TAMM41: variants seen among roughly 807,000 people sequenced by gnomAD.
TAMM41 encodes phosphatidate cytidylyltransferase, mitochondrial.
A neutral mutation model predicts 44.1 loss-of-function variants in TAMM41; 36 were observed. The ratio of observed to expected loss-of-function variants is 0.82; its 90% confidence interval spans 0.63 to 1.08. The LOEUF (loss-of-function observed/expected upper bound fraction) is 1.08. Among genes scored for constraint, TAMM41 ranks in the 50% least tolerant of loss-of-function variants. The probability of loss-of-function intolerance (pLI) is 0.00; values close to 1 mark genes in which losing one functional copy is unlikely to be tolerated. For missense variants in TAMM41, 417 were observed against 404.3 expected (o/e 1.03, Z -0.27); for synonymous variants, 164 against 153.1 (o/e 1.07, Z -0.53).
chr3:11,814,131 T>C (rs1290715707), intron 5 of TAMM41, among the ~76,000 whole-genome samples: 1 of 151,768 alleles, frequency 6.6e-6, no homozygotes, highest in Non-Finnish European at 1.5e-5. Context: ...TGAGCTATGA[T>C]CATGCCACTA....
At chr3:11,725,498 G>A in the TAMM41 span, among the ~76,000 whole-genome samples, 2 of 150,632 alleles carry the variant, frequency 1.3e-5, no homozygotes, top group African/African-American at 4.9e-5. Context: ...GAGTGAAGTG[G>A]TACAATCTCA....
chr3:11,737,370 G>T, the TAMM41 span, among the ~76,000 whole-genome samples: 4 of 149,508 alleles, frequency 2.7e-5, no homozygotes, highest in Non-Finnish European at 4.4e-5. Context: ...GCCCAGGCTG[G>T]AGTGCAATGG....
At chr3:11,836,334 A>G (rs2079174322) in intron 3 of TAMM41, among the ~76,000 whole-genome samples, 1 of 152,158 alleles carries the variant, frequency 6.6e-6, no homozygotes, top group South Asian at 2.1e-4. Flanking sequence ...TATTCTACAG[A>G]TAACTGAAGT....
At chr3:11,727,108 G>A in the TAMM41 span, among the ~76,000 whole-genome samples, 2 of 152,276 alleles carry the variant, frequency 1.3e-5, no homozygotes, top group South Asian at 2.1e-4. Context: ...AACAAGTACC[G>A]AATTTTGGCC....
intron 7 of TAMM41, among the ~76,000 whole-genome samples, chr3:11,800,962 T>G (rs1216886407): frequency 6.6e-6 from 1 of 152,104 alleles, no homozygotes; most frequent in Non-Finnish European, 1.5e-5. Context: ...CATGGTGGTA[T>G]GTGCCTGTGG....
chr3:11,846,700 C>T lies in TAMM41; in HGVS notation c.-64G>A, dbSNP rs146446750. 4 of 1,608,340 alleles carry T rather than the reference C, an allele frequency of 2.5e-6. No homozygotes were observed. Among genetic ancestry groups the T allele is most frequent in the Non-Finnish European group, 3.4e-6 (4 of 1,176,810 alleles). On this transcript the variant is annotated 5_prime_UTR_variant, in exon 1 of 8. Coordinates refer to ENST00000455809, the MANE Select transcript of TAMM41 (RefSeq NM_001284401.2). ...CGAGGACAACCGGGCGGGGAACAGA[C>T]ACCGGGTAGGCGGTTTAGGGTGGGA...
chr3:11,767,115 C>G, the TAMM41 span, among the ~76,000 whole-genome samples: 1 of 152,174 alleles, frequency 6.6e-6, no homozygotes, highest in Non-Finnish European at 1.5e-5. Context: ...GTCACCCAGG[C>G]TGGAGTGCAG....
the TAMM41 span, chr3:11,724,897 C>T: frequency 1.3e-5 from 2 of 152,486 alleles, no homozygotes; most frequent in African/African-American, 2.4e-5. Context: ...AGTTCTTTCT[C>T]ATCTCTCTGC....
chr3:11,802,796 C>T (rs899918770), intron 7 of TAMM41, among the ~76,000 whole-genome samples: 1 of 152,146 alleles, frequency 6.6e-6, no homozygotes, highest in Non-Finnish European at 1.5e-5. Context: ...ACACAAAAAT[C>T]CTCAACAAAA....
At chr3:11,833,001 A>C (rs781534719) in intron 3 of TAMM41, 73 of 1,050,502 alleles carry the variant, frequency 6.9e-5, no homozygotes, top group Non-Finnish European at 8.2e-5. Flanking sequence ...AAGCATCCTT[A>C]CTCAAAGGAA....
intron 1 of TAMM41, chr3:11,844,977 G>A (rs380999): frequency 0.23 from 103,956 of 456,494 alleles, 12,745 homozygotes; most frequent in Middle Eastern, 0.32. Context: ...GGACACGTGA[G>A]TTAAACAGAC....
chr3:11,743,121 G>A, the TAMM41 span, among the ~76,000 whole-genome samples: 1 of 152,146 alleles, frequency 6.6e-6, no homozygotes, highest in Non-Finnish European at 1.5e-5. Flanking sequence ...GATGAGAGCA[G>A]AGGCCACCAA....
chr3:11,782,629 A>G, the TAMM41 span, among the ~76,000 whole-genome samples: 266 of 152,168 alleles, frequency 1.7e-3, 1 homozygote, highest in African/African-American at 6.3e-3. Flanking sequence ...CTGTTTACAT[A>G]TTACACCTTC....
chr3:11,731,929 C>T, the TAMM41 span, among the ~76,000 whole-genome samples: 1,307 of 150,974 alleles, frequency 8.7e-3, 20 homozygotes, highest in African/African-American at 0.03. Flanking sequence ...GGCTGAAGCA[C>T]AATCTCGGCT....
chr3:11,735,087 T>A, the TAMM41 span, among the ~76,000 whole-genome samples: 1 of 148,456 alleles, frequency 6.7e-6, no homozygotes, highest in Non-Finnish European at 1.5e-5. Flanking sequence ...GACTCAGGCA[T>A]GGTGGCTCAC....
At chr3:11,772,165 G>C in the TAMM41 span, among the ~76,000 whole-genome samples, 3 of 151,628 alleles carry the variant, frequency 2.0e-5, no homozygotes, top group Middle Eastern at 3.4e-3. Context: ...CCACCTCCCA[G>C]GTTCATGCCA....
chr3:11,767,511 A>G, the TAMM41 span, among the ~76,000 whole-genome samples: 1 of 152,026 alleles, frequency 6.6e-6, no homozygotes, highest in Middle Eastern at 3.4e-3. Context: ...CTTGGGTCAT[A>G]TGATGACTAC....
downstream of TAMM41, among the ~76,000 whole-genome samples, chr3:11,789,978 G>A (rs2077444286): frequency 6.6e-6 from 1 of 152,192 alleles, no homozygotes; most frequent in Non-Finnish European, 1.5e-5. Flanking sequence ...GCTCTGCAAG[G>A]TGTCTGTTCC....
At chr3:11,753,427 G>C in the TAMM41 span, among the ~76,000 whole-genome samples, 1 of 150,982 alleles carries the variant, frequency 6.6e-6, no homozygotes, top group Non-Finnish European at 1.5e-5. Context: ...TAGCAAGACT[G>C]TATCCAAAAA....
Sources: gnomAD v4.1 joint callset for allele counts (sites outside exome capture counted in the v4.1 genomes callset) on GRCh38, gnomAD v4.1.1 for gene constraint, MANE v1.5 for transcripts, NCBI Gene and HGNC (gene_info 2026-07-23, HGNC 2026-07-21) for gene names.